Variants in WDR19 observed in about 807,000 individuals in gnomAD.
WDR19 encodes WD repeat domain 19, also known as WD repeat-containing protein 19.
A neutral mutation model predicts 180.0 loss-of-function variants in WDR19; 121 were observed. That is an observed-to-expected ratio of 0.67 (90% confidence interval 0.58 to 0.78). The LOEUF (loss-of-function observed/expected upper bound fraction) is 0.78. Among genes scored for constraint, WDR19 ranks in the 30% least tolerant of loss-of-function variants. WDR19 has a pLI of 0.00. For synonymous variants in WDR19, 497 were observed against 540.7 expected (o/e 0.92, Z 1.12); for missense variants, 1,450 against 1,640.7 (o/e 0.88, Z 2.01).
Position 39,199,486 on chromosome 4 carries a change from A to T in WDR19, c.415A>T (p.Thr139Ser). 6.2e-7 allele frequency: 1 copy of T among 1,612,234 alleles called. No homozygotes were observed. The highest frequency in any genetic ancestry group is 8.5e-7 in the Non-Finnish European group (1 of 1,179,262). ...AATAATCTCTTTTTCAGGAAAACAT[A>T]CTAAGAGAATCACTTGTGGATGTTG... ...SRKIPVLGKH[T>S]KRITCGCWNA... The change falls in exon 6 of 37, where the codon ACT becomes TCT. Residue 139 changes from threonine to serine, a missense_variant. Transcript: ENST00000399820.
At chr4:39,195,395 C>CAAAAAAAAA (rs11392579) in intron 5 of WDR19, among the ~76,000 whole-genome samples, 1 of 139,196 alleles carries the variant, frequency 7.2e-6, no homozygotes, top group African/African-American at 2.9e-5. Context: ...AACAAACAAA[C>CAAAAAAAAA]AAAAAAAAAC....
chr4:39,267,293 A>T (rs1734909647), intron 29 of WDR19, among the ~76,000 whole-genome samples: 1 of 152,120 alleles, frequency 6.6e-6, no homozygotes, highest in South Asian at 2.1e-4. Flanking sequence ...AACGAGGGCA[A>T]TAGAATGTCA....
chr4:39,270,322 C>T lies in WDR19; in HGVS notation c.3483+222C>T, dbSNP rs75346741. Among the ~76,000 whole-genome samples the T allele has an allele frequency of 7.8e-3, 1,184 of 152,174 alleles. 19 individuals are homozygous for T. Among genetic ancestry groups the T allele is most frequent in the African/African-American group, 0.027 (1,116 of 41,524 alleles). Reference sequence around the variant, plus strand: ...AAACTCCAGTGTGGGGACAGGGAGACGGGGAGATGAGGGGGACCAGGCTTC... The same window carrying T: ...AAACTCCAGTGTGGGGACAGGGAGATGGGGAGATGAGGGGGACCAGGCTTC... On this transcript the variant is annotated intron_variant, in intron 31 of 36. Coordinates refer to ENST00000399820, the MANE Select transcript of WDR19 (RefSeq NM_025132.4).
At chr4:39,227,296 T>A (rs2109355548) in intron 15 of WDR19, among the ~76,000 whole-genome samples, 1 of 152,338 alleles carries the variant, frequency 6.6e-6, no homozygotes, top group African/African-American at 2.4e-5. Flanking sequence ...TATTTTTCAG[T>A]TCCCTATTCA....
chr4:39,279,645 C>T (rs1210738654), intron 36 of WDR19, among the ~76,000 whole-genome samples: 1 of 152,026 alleles, frequency 6.6e-6, no homozygotes, highest in Non-Finnish European at 1.5e-5. Flanking sequence ...ACCATCAGCA[C>T]ACAAGCGTTC....
rs138937203 is a variant in WDR19 at position 39,186,790 on chromosome 4, T to G, written c.164+186T>G. 5.5e-3 allele frequency among the ~76,000 whole-genome samples: 842 copies of G among 152,356 alleles called. 13 individuals are homozygous for G. Among genetic ancestry groups the G allele is most frequent in the African/African-American group, 0.019 (797 of 41,592 alleles). ...TATAGCATGAATTAGAGTTTCTATC[T>G]ATAAACACCCATATACTCACAGAGA... On this transcript the variant is annotated intron_variant, in intron 3 of 36. Coordinates refer to ENST00000399820, the MANE Select transcript of WDR19 (RefSeq NM_025132.4).
intron 28 of WDR19, among the ~76,000 whole-genome samples, chr4:39,264,920 C>CA (rs1734636306): frequency 4.7e-5 from 2 of 42,204 alleles, no homozygotes; most frequent in African/African-American, 7.6e-5. Flanking sequence ...ATGGAGATGA[C>CA]GTTTTTTTTT....
rs769361577 is a variant in WDR19, at chr4:39,228,596, A to G, written c.1888A>G (p.Ile630Val). 3.7e-6 allele frequency: 6 copies of G among 1,613,920 alleles called. No homozygotes were observed. The highest frequency in any genetic ancestry group is 5.1e-6 in the Non-Finnish European group (6 of 1,179,846). Residue 630 changes from isoleucine to valine, a missense_variant, in exon 17 of 37, where the codon ATC becomes GTC. Physicochemically the swap from Ile to Val is conservative, Grantham distance 29. Coordinates refer to ENST00000399820, the MANE Select transcript of WDR19 (RefSeq NM_025132.4). Reference sequence around the variant, plus strand: ...AACACAGAGTGGAAAAGTAAACAACATCTACCTTAGCACCCATGGCTTTCT... The same window carrying G: ...AACACAGAGTGGAAAAGTAAACAACGTCTACCTTAGCACCCATGGCTTTCT... ...CQTQSGKVNN[I>V]YLSTHGFLSN...
At chr4:39,273,417 G>A in intron 32 of WDR19, 1 of 250,516 alleles carries the variant, frequency 4.0e-6, no homozygotes. Context: ...CTCCACGACT[G>A]ACTTGTACAA....
intron 24 of WDR19, 126 bp downstream of exon 24, chr4:39,245,578 C>G (rs572120401): frequency 1.1e-6 from 1 of 912,690 alleles, no homozygotes; most frequent in South Asian, 1.6e-5. Context: ...TTAATTACCC[C>G]TTGTTGGCCT....
At chr4:39,232,046 T>A in intron 18 of WDR19, 90 bp downstream of exon 18, 1 of 1,543,416 alleles carries the variant, frequency 6.5e-7, no homozygotes, top group Admixed American at 1.7e-5. Flanking sequence ...TAATCTTACC[T>A]CTTAAACAAG....
At chr4:39,201,520 C>G (rs1031333916) in intron 6 of WDR19, among the ~76,000 whole-genome samples, 3 of 152,160 alleles carry the variant, frequency 2.0e-5, no homozygotes, top group Non-Finnish European at 4.4e-5. Flanking sequence ...ACAGCTTGTT[C>G]CTGAGTTGTT....
intron 17 of WDR19, among the ~76,000 whole-genome samples, chr4:39,231,333 A>T (rs1362690038): frequency 6.6e-6 from 1 of 151,312 alleles, no homozygotes; most frequent in Non-Finnish European, 1.5e-5. Context: ...AAAAAAAAAA[A>T]AAAAGAGTGG....
At chr4:39,189,588 C>T (rs988054105) in intron 3 of WDR19, 68 bp from the exon 4 acceptor site, 4 of 1,370,172 alleles carry the variant, frequency 2.9e-6, no homozygotes, top group Admixed American at 6.0e-5. Flanking sequence ...TTGTTATAGA[C>T]AAAAATCACA....
rs764705908 is a variant in WDR19, at chr4:39,199,611, C to T, written c.522+18C>T. ...TAAGACAGGTAATACAGTAACGTCT[C>T]TTTGGTCTGATATATTCAAGCTTTC... is the stretch of plus-strand genomic sequence containing the variant. On this transcript the variant is annotated intron_variant, in intron 6 of 36. Coordinates refer to ENST00000399820, the MANE Select transcript of WDR19 (RefSeq NM_025132.4). 24 of 1,577,262 alleles carry T rather than the reference C, an allele frequency of 1.5e-5. No individual in the cohort carries two copies. Among genetic ancestry groups the T allele is most frequent in the Non-Finnish European group, 2.0e-5 (23 of 1,148,218 alleles).
chr4:39,244,499 A>T lies in WDR19; in HGVS notation c.2592A>T (p.Glu864Asp). ...KQFSEAAQLY[E>D]KGLYYDKAAS... ...TTTCAGAAGCGGCCCAACTGTATGA[A>T]AAAGGTCTCTACTACGATAAAGCAG... is the stretch of plus-strand genomic sequence containing the variant. Residue 864 changes from glutamate (E) to aspartate (D), a missense_variant, in exon 23 of 37, where the codon GAA (glutamate) becomes GAT (aspartate). Transcript: ENST00000399820. The T allele has an allele frequency of 6.2e-7, 1 of 1,614,012 alleles. No homozygotes were observed. Among genetic ancestry groups the T allele is most frequent in the Middle Eastern group, 1.6e-4 (1 of 6,062 alleles).
intron 30 of WDR19, among the ~76,000 whole-genome samples, 172 bp from the exon 31 acceptor site, chr4:39,269,804 T>TGACA (rs578248918): frequency 2.6e-5 from 4 of 152,132 alleles, no homozygotes; most frequent in African/African-American, 7.2e-5. Context: ...ACCCTATCTC[T>TGACA]GACAGACAGA....
At chr4:39,281,097 C>T (rs987247509) in intron 36 of WDR19, among the ~76,000 whole-genome samples, 1 of 151,694 alleles carries the variant, frequency 6.6e-6, no homozygotes, top group Non-Finnish European at 1.5e-5. Flanking sequence ...CTGTGGCTTC[C>T]CATTTCTTTT....
intron 26 of WDR19, among the ~76,000 whole-genome samples, chr4:39,254,362 A>G (rs1733549251): frequency 6.6e-6 from 1 of 152,246 alleles, no homozygotes; most frequent in South Asian, 2.1e-4. Flanking sequence ...AGGAAATGCA[A>G]GATGATTTTT....
Sources: gnomAD v4.1 joint callset for allele counts (sites outside exome capture counted in the v4.1 genomes callset) on GRCh38, gnomAD v4.1.1 for gene constraint, MANE v1.5 for transcripts, NCBI Gene and HGNC (gene_info 2026-07-23, HGNC 2026-07-21) for gene names.